The following GUCY1A2 variants were observed in gnomAD, a reference collection of about 807,000 sequenced individuals.
GUCY1A2 encodes the protein guanylate cyclase soluble subunit alpha-2.
A neutral mutation model predicts 63.5 loss-of-function variants in GUCY1A2; 27 were observed. That is an observed-to-expected ratio of 0.43 (90% CI 0.31 to 0.59). The LOEUF (loss-of-function observed/expected upper bound fraction) is 0.59, where lower values mean the gene tolerates loss of function less well. GUCY1A2 is among the 20% of genes least tolerant of loss of function. GUCY1A2 has a pLI of 0.11. For synonymous variants in GUCY1A2, 364 were observed against 343.5 expected, an observed-to-expected ratio of 1.06 and a Z score of -0.66; for missense variants, 768 against 913.3, an observed-to-expected ratio of 0.84 and a Z score of 2.05.
At position 106,708,556 on chromosome 11, in the gene GUCY1A2, C is replaced by T. The variant is rs141579529; in HGVS notation, c.1947G>A (p.Ser649=). 35 of 1,612,560 alleles carry T rather than the reference C, an allele frequency of 2.2e-5. No homozygotes were observed. Among genetic ancestry groups the T allele is most frequent in the African/African-American group, 1.3e-4 (10 of 74,852 alleles). The change falls in exon 7 of 8, where the codon TCG becomes TCA. Residue 649 remains serine (S), a synonymous_variant. Coordinates refer to ENST00000526355, the MANE Select transcript of GUCY1A2 (RefSeq NM_000855.3). ...NNVTLASKFE[S]GSHPRRINVS... ...CATTGATGCGCCGAGGGTGACTTCC[C>T]GACTCGAATTTGCTTGCCAGTGTGA...
intron 4 of GUCY1A2, among the ~76,000 whole-genome samples, chr11:106,907,479 T>C (rs1485903500): frequency 6.6e-6 from 1 of 152,012 alleles, no homozygotes; most frequent in Non-Finnish European, 1.5e-5. Flanking sequence ...TATGTATACA[T>C]GTGCCATGCT....
intron 4 of GUCY1A2, among the ~76,000 whole-genome samples, chr11:106,913,126 T>C (rs201258503): frequency 6.3e-3 from 16 of 2,524 alleles, no homozygotes; most frequent in Non-Finnish European, 0.012. Flanking sequence ...TTTCAAAAGA[T>C]ATATATATAT....
intron 4 of GUCY1A2, among the ~76,000 whole-genome samples, chr11:106,847,954 A>G (rs1347018213): frequency 6.6e-6 from 1 of 151,690 alleles, no homozygotes; most frequent in Non-Finnish European, 1.5e-5. Flanking sequence ...GGACCAGAAA[A>G]GCAGCCACTG....
intron 4 of GUCY1A2, among the ~76,000 whole-genome samples, chr11:106,834,558 GCAAAAAATAT>G (rs1213028219): frequency 6.6e-6 from 1 of 151,788 alleles, no homozygotes; most frequent in African/African-American, 2.4e-5. Context: ...TGTGCTATAG[GCAAAAAATAT>G]CTATCATTCA....
intron 4 of GUCY1A2, among the ~76,000 whole-genome samples, chr11:106,873,420 C>T (rs1340129630): frequency 6.6e-6 from 1 of 152,116 alleles, no homozygotes; most frequent in African/African-American, 2.4e-5. Context: ...TCCACAGCCT[C>T]ACCAGCATCA....
intron 5 of GUCY1A2, among the ~76,000 whole-genome samples, chr11:106,794,555 CTA>C (rs1281229554): frequency 6.6e-6 from 1 of 151,884 alleles, no homozygotes; most frequent in Non-Finnish European, 1.5e-5. Context: ...AATAGATCAA[CTA>C]TGTATTAATT....
intron 3 of GUCY1A2, among the ~76,000 whole-genome samples, chr11:106,968,653 T>G (rs1021257044): frequency 6.7e-6 from 1 of 149,716 alleles, no homozygotes; most frequent in African/African-American, 2.5e-5. Context: ...CAATGAGTCA[T>G]GTCTTCTGTG....
intron 4 of GUCY1A2, among the ~76,000 whole-genome samples, chr11:106,849,247 C>G (rs1487925507): frequency 6.6e-6 from 1 of 151,402 alleles, no homozygotes; most frequent in African/African-American, 2.4e-5. Context: ...ATGTAGTGAA[C>G]TGTGTTAGGT....
At chr11:106,719,914 G>A (rs1863284286) in intron 6 of GUCY1A2, among the ~76,000 whole-genome samples, 1 of 152,070 alleles carries the variant, frequency 6.6e-6, no homozygotes, top group African/African-American at 2.4e-5. Context: ...TCTACTGTTT[G>A]CCCAGGAAAT....
At chr11:106,904,951 T>C (rs1168420583) in intron 4 of GUCY1A2, among the ~76,000 whole-genome samples, 1 of 152,138 alleles carries the variant, frequency 6.6e-6, no homozygotes, top group Non-Finnish European at 1.5e-5. Flanking sequence ...GATTTTGCAT[T>C]ACAGAAGTCT....
intron 4 of GUCY1A2, among the ~76,000 whole-genome samples, chr11:106,899,561 A>G (rs180884458): frequency 2.0e-5 from 3 of 152,348 alleles, no homozygotes; most frequent in African/African-American, 4.8e-5. Flanking sequence ...AAATTCAAGC[A>G]ACCTGTTGTT....
chr11:106,787,855 G>A (rs1864592105), intron 5 of GUCY1A2, among the ~76,000 whole-genome samples: 1 of 151,956 alleles, frequency 6.6e-6, no homozygotes, highest in South Asian at 2.1e-4. Context: ...TGGGAGTGCA[G>A]GTATCTCTTC....
chr11:106,878,933 T>C (rs890830318), intron 4 of GUCY1A2, among the ~76,000 whole-genome samples: 1 of 152,028 alleles, frequency 6.6e-6, no homozygotes, highest in Non-Finnish European at 1.5e-5. Context: ...ATAAGATAAT[T>C]TGTGATGTTT....
At chr11:106,920,654 T>C (rs1418027299) in intron 4 of GUCY1A2, among the ~76,000 whole-genome samples, 2 of 152,160 alleles carry the variant, frequency 1.3e-5, no homozygotes, top group African/African-American at 4.8e-5. Context: ...ATCTTATAAT[T>C]ACAAATGACA....
intron 6 of GUCY1A2, among the ~76,000 whole-genome samples, chr11:106,765,506 T>C (rs1381353063): frequency 6.6e-6 from 1 of 152,120 alleles, no homozygotes; most frequent in Non-Finnish European, 1.5e-5. Flanking sequence ...ACCTAACCAA[T>C]TGTTTAGAAA....
At position 106,978,633 on chromosome 11, in the gene GUCY1A2, G is replaced by T; in HGVS notation, c.473C>A (p.Thr158Asn). The T allele has an allele frequency of 6.5e-7, 1 of 1,529,160 alleles. No individual in the cohort carries two copies. 94.7% of individuals were successfully genotyped at this position (1,529,160 alleles called of 1,614,324 possible). A position where few individuals can be genotyped will look rare whatever the true frequency, so the allele number is the denominator to read the frequency against. The part of the protein sequence containing the change: ...IEDVSGILQC[T>N]ANILGLKFEE... ...AGTTAATATACCGAGTATATTAGCA[G>T]TACACTGAAGAATTCCTGAGACATC... is the stretch of plus-strand genomic sequence containing the variant. Residue 158 changes from threonine (T) to asparagine (N), a missense_variant, in exon 3 of 8, where the codon ACT becomes AAT. Thr to Asn is a moderately conservative substitution (Grantham distance 65). This residue lies in a region of GUCY1A2 where 496 missense variants were observed against 486.9 expected (regional missense o/e 1.02). Transcript: ENST00000526355.
chr11:106,906,992 G>A (rs758193677), intron 4 of GUCY1A2, among the ~76,000 whole-genome samples: 48 of 152,070 alleles, frequency 3.2e-4, no homozygotes, highest in Non-Finnish European at 5.9e-4. Flanking sequence ...ATAGATGACA[G>A]GTTGATGGGT....
At chr11:106,832,962 G>T (rs1193678474) in intron 4 of GUCY1A2, among the ~76,000 whole-genome samples, 1 of 152,038 alleles carries the variant, frequency 6.6e-6, no homozygotes, top group Non-Finnish European at 1.5e-5. Context: ...GAAGTATCAC[G>T]AATTGAGTGG....
chr11:106,984,588 G>T (rs868465597), intron 2 of GUCY1A2, among the ~76,000 whole-genome samples: 3 of 152,042 alleles, frequency 2.0e-5, no homozygotes, highest in Non-Finnish European at 4.4e-5. Flanking sequence ...ATTTTATTTC[G>T]AAAGCGAAAG....
Sources: allele counts gnomAD v4.1 joint callset (sites outside exome capture counted in the v4.1 genomes callset), GRCh38; gene constraint gnomAD v4.1.1; regional missense constraint gnomAD v4.1.1; transcripts MANE v1.5; gene names NCBI Gene and HGNC (gene_info 2026-07-23, HGNC 2026-07-21).